The following KIF26A variants were observed in gnomAD, a reference collection of about 807,000 sequenced individuals.
KIF26A encodes the protein kinesin-like protein KIF26A.
KIF26A carries 74 observed loss-of-function variants against 126.0 expected under a neutral mutation model. The observed-to-expected ratio is 0.59, with a 90% CI of 0.49 to 0.71. KIF26A has a LOEUF of 0.71. Among genes scored for constraint, KIF26A ranks in the 30% least tolerant of loss-of-function variants. The pLI, the probability that KIF26A is intolerant of heterozygous loss-of-function variation, is 0.00. For missense variants in KIF26A, 2,984 were observed against 2,763.3 expected, an observed-to-expected ratio of 1.08 and a Z score of -1.79; for synonymous variants, 1,445 against 1,232.7, an observed-to-expected ratio of 1.17 and a Z score of -3.61.
chr14:104,173,839 G>T lies in KIF26A; in HGVS notation c.2001G>T (p.Leu667=), dbSNP rs759292837. The part of the protein sequence containing the change: ...LSALGSVILA[L]VNGAKHVPYR... ...CCCTGGGCAGCGTCATCTTGGCCCT[G>T]GTCAACGGAGCCAAGCATGTGCCGT... Residue 667 remains leucine, a synonymous_variant, in exon 10 of 15, where the codon CTG becomes CTT. Coordinates refer to ENST00000423312, the MANE Select transcript of KIF26A (RefSeq NM_015656.2). The T allele has an allele frequency of 3.8e-5, 60 of 1,598,184 alleles. No homozygotes were observed. Among genetic ancestry groups the T allele is most frequent in the Non-Finnish European group, 4.8e-5 (56 of 1,177,630 alleles).
In KIF26A at chr14:104,140,300, G is replaced by A. The variant is rs571746905; in HGVS notation, c.288+1012G>A. Among the ~76,000 whole-genome samples the A allele has an allele frequency of 2.0e-4, 30 of 152,258 alleles. No homozygotes were observed. In the East Asian group the frequency reaches 5.4e-3, roughly 27 times the overall value. ...TCTCTCTGGCTCAGGCCAGGCGCCT[G>A]TGGGCCTGTCCTGGGGTGGGGCTGG... On this transcript the variant is annotated intron_variant, in intron 2 of 14. Coordinates refer to ENST00000423312, the MANE Select transcript of KIF26A (RefSeq NM_015656.2).
chr14:104,167,091 G>C (rs1487408557), intron 5 of KIF26A, 43 bp downstream of exon 5: 13 of 1,461,080 alleles, frequency 8.9e-6, no homozygotes, highest in African/African-American at 1.4e-5. Flanking sequence ...GGGGAGGCCA[G>C]AGGCGTCTGA....
chr14:104,151,954 T>G lies in KIF26A; in HGVS notation c.289-61T>G. The G allele has an allele frequency of 6.7e-7, 1 of 1,487,696 alleles. No individual in the cohort carries two copies. The highest frequency in any genetic ancestry group is 9.4e-7 in the Non-Finnish European group (1 of 1,067,578). The allele number at this position is 1,487,696 out of a possible 1,614,324, so 92.2% of individuals were successfully genotyped here. A position where few individuals can be genotyped will look rare whatever the true frequency, so the allele number is the denominator to read the frequency against. ...ATGGACGGTGAGAGTGCTGGTGGGC[T>G]CTGGGTGCCGGCCCTCCCTCCCCAG... On this transcript the variant is annotated intron_variant, in intron 2 of 14. Transcript: ENST00000423312. The surrounding 1 kb of genome is among the most constrained non-coding windows in gnomAD (Gnocchi z 4.9).
intron 3 of KIF26A, among the ~76,000 whole-genome samples, chr14:104,157,074 C>T (rs1006814546): frequency 5.9e-5 from 9 of 152,130 alleles, no homozygotes; most frequent in African/African-American, 2.2e-4. Flanking sequence ...CCGCCCAGGA[C>T]CAGGTTTGGC....
intron 4 of KIF26A, among the ~76,000 whole-genome samples, chr14:104,161,018 G>C (rs569049621): frequency 8.3e-6 from 1 of 120,862 alleles, no homozygotes; most frequent in South Asian, 2.6e-4. Context: ...CAGCGCCTGC[G>C]GGGAGAGTGC....
chr14:104,176,312 C>T lies in KIF26A; in HGVS notation c.3524C>T (p.Pro1175Leu), dbSNP rs758848222. 288 of 1,584,586 alleles carry T rather than the reference C, an allele frequency of 1.8e-4. 2 individuals are homozygous for T. The highest frequency in any genetic ancestry group is 3.5e-4 in the Admixed American group (20 of 57,890). ...GACAGTCCTGGGCCAACCTGGGGTCCGTGCCCTGGGGAAGTGGCTGCAGTG... is the reference window on the plus strand; with the variant it reads ...GACAGTCCTGGGCCAACCTGGGGTCTGTGCCCTGGGGAAGTGGCTGCAGTG... ...RPDSPGPTWG[P>L]CPGEVAAVAP... The change falls in exon 12 of 15, where the codon CCG (proline) becomes CTG (leucine). Residue 1175 changes from proline to leucine, a missense_variant. Transcript: ENST00000423312.
At chr14:104,146,144 A>G (rs1038401462) in intron 2 of KIF26A, among the ~76,000 whole-genome samples, 1 of 152,130 alleles carries the variant, frequency 6.6e-6, no homozygotes, top group Non-Finnish European at 1.5e-5. Flanking sequence ...GCCTCAGTCT[A>G]TAAAGGGGTC....
chr14:104,174,022 G>A, intron 10 of KIF26A, 126 bp from the exon 11 acceptor site: 2 of 1,404,760 alleles, frequency 1.4e-6, no homozygotes, highest in Non-Finnish European at 1.9e-6. Context: ...GGGCTGCCTG[G>A]GGCCCCACGC....
At chr14:104,143,272 TGTGGCTCTGGACTCTCCTCCCGGC>T (rs1229224870) in intron 2 of KIF26A, among the ~76,000 whole-genome samples, 4 of 152,338 alleles carry the variant, frequency 2.6e-5, no homozygotes, top group African/African-American at 9.6e-5. Context: ...CCATCGAGGC[TGTGGCTCTGGACTCTCCTCCCGGC>T]GAAGCTCCGG....
At chr14:104,165,743 G>A (rs1199242588) in intron 4 of KIF26A, among the ~76,000 whole-genome samples, 3 of 149,238 alleles carry the variant, frequency 2.0e-5, no homozygotes, top group Admixed American at 1.3e-4. Context: ...GTATGCATAT[G>A]TGTGTCTGTG....
At chr14:104,156,225 T>C (rs1011079594) in intron 3 of KIF26A, among the ~76,000 whole-genome samples, 70 of 151,974 alleles carry the variant, frequency 4.6e-4, no homozygotes, top group African/African-American at 1.4e-3. Context: ...AGCAAAGGAG[T>C]TTAGGCTTTT....
intron 1 of KIF26A, 118 bp downstream of exon 1, chr14:104,138,882 G>A: frequency 1.6e-6 from 2 of 1,256,210 alleles, no homozygotes; most frequent in South Asian, 2.8e-5. Context: ...TAGCGGACCC[G>A]CAGGCGGGAC....
Position 104,179,590 on chromosome 14 carries a change from C to T in KIF26A, c.5468-19C>T, listed in dbSNP as rs894014544. ...TCGGGCCTGACGCAGGTGCCCCTCC[C>T]CTCTCCTCCCCTCCCCAGTTGAGGT... On this transcript the variant is annotated intron_variant, in intron 14 of 14. Transcript: ENST00000423312. 4.7e-6 allele frequency: 7 copies of T among 1,496,372 alleles called. No individual in the cohort carries two copies. The East Asian group carries it at 7.5e-5, about 16-fold the overall frequency. 92.7% of individuals were successfully genotyped at this position (1,496,372 alleles called of 1,614,324 possible).
At position 104,177,505 on chromosome 14, in the gene KIF26A, A is replaced by T. The variant is rs908623211; in HGVS notation, c.4717A>T (p.Ser1573Cys). 3.9e-6 allele frequency: 6 copies of T among 1,534,622 alleles called. No individual in the cohort carries two copies. The African/African-American group carries it at 4.1e-5, about 11-fold the overall frequency. The change falls in exon 12 of 15, where the codon AGT becomes TGT. Residue 1573 changes from serine (S) to cysteine (C), a missense_variant. Transcript: ENST00000423312. Reference sequence around the variant, plus strand: ...CAGCCGCGTCCATGAGCTGTCAGCCAGTGGAGCCCCGGGCCGAGGTGGCTC... The same window carrying T: ...CAGCCGCGTCCATGAGCTGTCAGCCTGTGGAGCCCCGGGCCGAGGTGGCTC... The part of the protein sequence containing the change: ...AHSRVHELSA[S>C]GAPGRGGSSW...
At chr14:104,145,817 C>G (rs1188389986) in intron 2 of KIF26A, among the ~76,000 whole-genome samples, 1 of 152,140 alleles carries the variant, frequency 6.6e-6, no homozygotes, top group African/African-American at 2.4e-5. Context: ...TGGGGGCTGC[C>G]CTGAGCAAGG....
chr14:104,171,091 T>G (rs2037952240), intron 5 of KIF26A, among the ~76,000 whole-genome samples: 1 of 152,234 alleles, frequency 6.6e-6, no homozygotes, highest in Non-Finnish European at 1.5e-5. Flanking sequence ...TATCTTCCCC[T>G]GGATGGGATC....
chr14:104,176,878 C>G lies in KIF26A; in HGVS notation c.4090C>G (p.Pro1364Ala), dbSNP rs1359852937. 3.9e-6 allele frequency: 6 copies of G among 1,542,338 alleles called. No individual in the cohort carries two copies. The South Asian group carries it at 7.2e-5, about 18-fold the overall frequency. ...PRPSGAAPPA[P>A]PTRKSSLEQR... ...GCCCAGTGGGGCGGCCCCCCCGGCC[C>G]CACCCACGCGGAAGTCCAGCCTGGA... The change falls in exon 12 of 15, where the codon CCA becomes GCA. Residue 1364 changes from proline (P) to alanine (A), a missense_variant. Coordinates refer to ENST00000423312, the MANE Select transcript of KIF26A (RefSeq NM_015656.2).
At chr14:104,167,830 C>T (rs903975950) in intron 5 of KIF26A, among the ~76,000 whole-genome samples, 1 of 152,184 alleles carries the variant, frequency 6.6e-6, no homozygotes, top group Non-Finnish European at 1.5e-5. Context: ...CCCCCTCCCG[C>T]CCAGCACCCC....
At position 104,176,200 on chromosome 14, in the gene KIF26A, C is replaced by G. The variant is rs557992331; in HGVS notation, c.3412C>G (p.Leu1138Val). ...TPQPRFSPDS[L>V]AGLDPGGPPA... Reference sequence around the variant, plus strand: ...GCAGCCCCGCTTCAGCCCCGACTCGCTGGCAGGGCTTGACCCTGGGGGCCC... The same window carrying G: ...GCAGCCCCGCTTCAGCCCCGACTCGGTGGCAGGGCTTGACCCTGGGGGCCC... The change falls in exon 12 of 15, where the codon CTG becomes GTG. Residue 1138 changes from leucine (L) to valine (V), a missense_variant. Physicochemically the swap from Leu to Val is conservative, Grantham distance 32 (BLOSUM62 1). Coordinates refer to ENST00000423312, the MANE Select transcript of KIF26A (RefSeq NM_015656.2). The G allele has an allele frequency of 7.9e-5, 126 of 1,601,178 alleles. 1 individual carries two copies. The South Asian group carries it at 1.3e-3, about 16-fold the overall frequency.
Sources: gnomAD v4.1 joint callset for allele counts (sites outside exome capture counted in the v4.1 genomes callset) on GRCh38, gnomAD v4.1.1 for gene constraint, Gnocchi (gnomAD v3.1) non-coding constraint, MANE v1.5 for transcripts, NCBI Gene and HGNC (gene_info 2026-07-23, HGNC 2026-07-21) for gene names.